PKNOX2: variants seen among roughly 807,000 people sequenced by gnomAD.
PKNOX2 encodes homeobox protein PKNOX2.
A neutral mutation model predicts 53.1 loss-of-function variants in PKNOX2; 14 were observed. That is an observed-to-expected ratio of 0.26 (90% CI 0.17 to 0.41). The LOEUF (loss-of-function observed/expected upper bound fraction) is 0.41. Ranked by LOEUF, PKNOX2 falls within the 10% of genes least tolerant of loss-of-function variation. The pLI is 1.00. For synonymous variants in PKNOX2, 257 were observed against 242.8 expected, an observed-to-expected ratio of 1.06 and a Z score of -0.54; for missense variants, 496 against 602.8, an observed-to-expected ratio of 0.82 and a Z score of 1.85.
chr11:125,368,090 CG>C (rs1277282395), intron 5 of PKNOX2, 105 bp downstream of exon 5: 33 of 1,365,262 alleles, frequency 2.4e-5, no homozygotes, highest in Middle Eastern at 2.2e-4. Flanking sequence ...GCAGAGATGA[CG>C]GCCAATAGCT....
chr11:125,181,542 C>A (rs576618966), intron 1 of PKNOX2, among the ~76,000 whole-genome samples: 43 of 152,332 alleles, frequency 2.8e-4, no homozygotes, highest in Admixed American at 2.2e-3. Flanking sequence ...TCCCTTAATA[C>A]ACGCATTTGA....
At chr11:125,356,879 C>T (rs1951648463) in intron 4 of PKNOX2, among the ~76,000 whole-genome samples, 2 of 152,252 alleles carry the variant, frequency 1.3e-5, no homozygotes, top group African/African-American at 4.8e-5. Flanking sequence ...GGCCACACAG[C>T]TGTGACAGGC....
chr11:125,241,595 G>A (rs938158665), intron 2 of PKNOX2, among the ~76,000 whole-genome samples: 8 of 152,194 alleles, frequency 5.3e-5, no homozygotes, highest in East Asian at 1.9e-4. Flanking sequence ...GGTGGCTCAC[G>A]CCTGTAATCC....
intron 2 of PKNOX2, among the ~76,000 whole-genome samples, chr11:125,244,981 G>A (rs893189917): frequency 2.0e-5 from 3 of 152,050 alleles, no homozygotes; most frequent in Admixed American, 1.3e-4. Flanking sequence ...AATTAATGCC[G>A]CCACTCCCCA....
At chr11:125,298,729 G>A (rs1470206781) in intron 2 of PKNOX2, among the ~76,000 whole-genome samples, 1 of 152,236 alleles carries the variant, frequency 6.6e-6, no homozygotes. Flanking sequence ...AGCCTACAGT[G>A]CAAGGCTGTC....
intron 2 of PKNOX2, among the ~76,000 whole-genome samples, chr11:125,293,259 T>C (rs964312935): frequency 1.3e-5 from 2 of 152,190 alleles, no homozygotes; most frequent in Non-Finnish European, 2.9e-5. Flanking sequence ...TCCTGTACCA[T>C]ATGCTTTTAA....
chr11:125,258,290 C>T (rs898087545), intron 2 of PKNOX2, among the ~76,000 whole-genome samples: 1 of 152,090 alleles, frequency 6.6e-6, no homozygotes, highest in Non-Finnish European at 1.5e-5. Context: ...CCATATACTC[C>T]GGGAAGTTTA....
At chr11:125,197,392 C>T (rs11825337) in intron 1 of PKNOX2, among the ~76,000 whole-genome samples, 2,904 of 152,198 alleles carry the variant, frequency 0.019, 86 homozygotes, top group African/African-American at 0.065. Flanking sequence ...AGCCTCCCCA[C>T]GAGGTCTTTG....
At chr11:125,276,200 T>G (rs999926159) in intron 2 of PKNOX2, among the ~76,000 whole-genome samples, 2 of 152,134 alleles carry the variant, frequency 1.3e-5, no homozygotes, top group Non-Finnish European at 2.9e-5. Flanking sequence ...TAATTAGTCA[T>G]CAGTGGAGCG....
chr11:125,189,399 GTGTGTA>G (rs1275449697), intron 1 of PKNOX2, among the ~76,000 whole-genome samples: 8 of 40,266 alleles, frequency 2.0e-4, no homozygotes, highest in Non-Finnish European at 4.5e-4. Flanking sequence ...ATATATATAT[GTGTGTA>G]TATATATATG....
intron 2 of PKNOX2, among the ~76,000 whole-genome samples, chr11:125,281,838 T>C (rs187228052): frequency 1.0e-3 from 152 of 152,324 alleles, no homozygotes; most frequent in African/African-American, 3.4e-3. Context: ...TCTACCGTTA[T>C]CCAGGGAAGA....
At chr11:125,306,104 A>T (rs547409639) in intron 2 of PKNOX2, among the ~76,000 whole-genome samples, 10 of 151,268 alleles carry the variant, frequency 6.6e-5, no homozygotes, top group African/African-American at 2.2e-4. Context: ...CTCTCCCCTC[A>T]CCCAGGAGGC....
chr11:125,414,945 T>G (rs996578323), intron 10 of PKNOX2, among the ~76,000 whole-genome samples: 1 of 152,124 alleles, frequency 6.6e-6, no homozygotes, highest in Non-Finnish European at 1.5e-5. Context: ...AGATAGCTGA[T>G]TTGTTGTTTT....
intron 6 of PKNOX2, among the ~76,000 whole-genome samples, chr11:125,394,472 C>G (rs1251046112): frequency 1.3e-5 from 2 of 152,158 alleles, no homozygotes; most frequent in African/African-American, 4.8e-5. Flanking sequence ...CTCCAAAAAC[C>G]CTTAATTAGT....
chr11:125,269,648 C>G (rs952220607), intron 2 of PKNOX2, among the ~76,000 whole-genome samples: 1 of 152,102 alleles, frequency 6.6e-6, no homozygotes. Context: ...TACCCACTGT[C>G]CAGGGCGAGG....
intron 2 of PKNOX2, among the ~76,000 whole-genome samples, chr11:125,282,727 T>C (rs1314943498): frequency 6.6e-6 from 1 of 152,240 alleles, no homozygotes; most frequent in Non-Finnish European, 1.5e-5. Flanking sequence ...AGACTAGTGC[T>C]GTCCAGTAAA....
chr11:125,378,995 G>A (rs1160461701), intron 5 of PKNOX2, among the ~76,000 whole-genome samples: 4 of 149,162 alleles, frequency 2.7e-5, no homozygotes, highest in Non-Finnish European at 5.9e-5. Flanking sequence ...TTAAACCCAG[G>A]TGGTCCAAAA....
chr11:125,238,602 C>T (rs948964714), intron 2 of PKNOX2, among the ~76,000 whole-genome samples: 1 of 152,198 alleles, frequency 6.6e-6, no homozygotes, highest in Non-Finnish European at 1.5e-5. Context: ...ATGGCATCAT[C>T]CCCAATGCTA....
chr11:125,280,062 A>G (rs1946444892), intron 2 of PKNOX2, among the ~76,000 whole-genome samples: 4 of 150,826 alleles, frequency 2.7e-5, no homozygotes, highest in African/African-American at 4.9e-5. Flanking sequence ...GAAGATACCC[A>G]CAGAAAAAAT....
Sources: gnomAD v4.1 joint callset for allele counts (sites outside exome capture counted in the v4.1 genomes callset) on GRCh38, gnomAD v4.1.1 for gene constraint, MANE v1.5 for transcripts, NCBI Gene and HGNC (gene_info 2026-07-23, HGNC 2026-07-21) for gene names.